Variants in PAM observed in about 807,000 individuals in gnomAD.
PAM encodes peptidyl-glycine alpha-amidating monooxygenase.
In PAM, 72 loss-of-function variants were observed where a neutral mutation model predicts 122.1. The ratio of observed to expected loss-of-function variants is 0.59; its 90% CI spans 0.49 to 0.72. The LOEUF (loss-of-function observed/expected upper bound fraction) is 0.72, where lower values mean the gene tolerates loss of function less well. Ranked by LOEUF, PAM falls within the 30% of genes least tolerant of loss-of-function variation. The pLI, the probability that PAM is intolerant of heterozygous loss-of-function variation, is 0.00. For synonymous variants in PAM, 389 were observed against 404.4 expected (o/e 0.96, Z 0.46); for missense variants, 1,106 against 1,183.7 (o/e 0.93, Z 0.96).
intron 1 of PAM, among the ~76,000 whole-genome samples, chr5:102,819,759 C>T (rs941727629): frequency 4.6e-5 from 7 of 152,102 alleles, no homozygotes; most frequent in African/African-American, 1.7e-4. Flanking sequence ...CATGGTATGT[C>T]TCGTACTCTG....
intron 3 of PAM, among the ~76,000 whole-genome samples, chr5:102,889,823 C>G (rs1351755105): frequency 6.6e-6 from 1 of 151,824 alleles, no homozygotes; most frequent in Non-Finnish European, 1.5e-5. Context: ...TGTCTAGGAC[C>G]AAGTCAGCAC....
intron 12 of PAM, among the ~76,000 whole-genome samples, chr5:102,951,884 A>G (rs1759015527): frequency 1.3e-5 from 2 of 152,070 alleles, no homozygotes; most frequent in South Asian, 2.1e-4. Context: ...GGAAAGCAAT[A>G]TTATTATTGA....
chr5:102,809,058 G>C (rs1031071187), intron 1 of PAM, among the ~76,000 whole-genome samples: 5 of 152,126 alleles, frequency 3.3e-5, no homozygotes, highest in Non-Finnish European at 7.4e-5. Context: ...TTCTCTGACG[G>C]TATGCCTTAT....
intron 3 of PAM, among the ~76,000 whole-genome samples, chr5:102,892,953 A>G (rs1047681636): frequency 6.6e-6 from 1 of 151,840 alleles, no homozygotes; most frequent in South Asian, 2.1e-4. Context: ...GTAGGCAAAG[A>G]AAATAAATAT....
At position 102,824,068 on chromosome 5, in the gene PAM, C is replaced by A. The variant is rs141007015; in HGVS notation, c.-373-41755C>A. ...TAAGATGACATTTGGTTTATTGAAG[C>A]CCTACAAAACTAGCGGATGGTTTAG... On this transcript the variant is annotated intron_variant, in intron 1 of 25. Transcript: ENST00000438793. 2.1e-3 allele frequency among the ~76,000 whole-genome samples: 324 copies of A among 152,214 alleles called. 1 individual carries two copies. Among genetic ancestry groups the A allele is most frequent in the African/African-American group, 7.4e-3 (309 of 41,524 alleles).
intron 5 of PAM, among the ~76,000 whole-genome samples, chr5:102,921,913 T>G (rs1385409735): frequency 3.9e-5 from 6 of 152,198 alleles, no homozygotes; most frequent in Non-Finnish European, 7.3e-5. Context: ...CTCTCTGAGC[T>G]TATTCAACTT....
intron 1 of PAM, among the ~76,000 whole-genome samples, chr5:102,767,454 T>C (rs1359624854): frequency 6.6e-6 from 1 of 152,186 alleles, no homozygotes; most frequent in Non-Finnish European, 1.5e-5. Context: ...CTGACTCTGC[T>C]GTTTTGCTTC....
intron 7 of PAM, among the ~76,000 whole-genome samples, chr5:102,933,556 T>C (rs1460612342): frequency 2.6e-5 from 4 of 152,208 alleles, no homozygotes; most frequent in African/African-American, 9.6e-5. Context: ...TTCACACAAA[T>C]ACACATGTAT....
chr5:102,835,570 A>T lies in PAM; in HGVS notation c.-373-30253A>T, dbSNP rs555019641. Among the ~76,000 whole-genome samples the T allele has an allele frequency of 3.3e-5, 5 of 152,240 alleles. No homozygotes were observed. The South Asian group carries it at 1.0e-3, about 32-fold the overall frequency. On this transcript the variant is annotated intron_variant, in intron 1 of 25. Coordinates refer to ENST00000438793, the MANE Select transcript of PAM (RefSeq NM_001177306.2). ...TATACAAAAACTGGAAGAACCCCAC[A>T]AGTGTGAGGGAAATTATAATACCAA...
At chr5:102,767,369 T>A (rs1042399369) in intron 1 of PAM, among the ~76,000 whole-genome samples, 1 of 152,184 alleles carries the variant, frequency 6.6e-6, no homozygotes, top group Non-Finnish European at 1.5e-5. Flanking sequence ...TTTTATCAGA[T>A]GAGCATGCTT....
At chr5:102,790,750 A>G (rs1761837467) in intron 1 of PAM, among the ~76,000 whole-genome samples, 1 of 152,140 alleles carries the variant, frequency 6.6e-6, no homozygotes, top group Non-Finnish European at 1.5e-5. Flanking sequence ...AAGAAGTCAC[A>G]TAATTTTATT....
rs896669711 is a variant in PAM, at chr5:102,829,348, G to A, written c.-373-36475G>A. Among the ~76,000 whole-genome samples, 4 of 151,002 alleles carry A rather than the reference G, an allele frequency of 2.6e-5. 1 individual carries two copies. Among genetic ancestry groups the A allele is most frequent in the East Asian group, 1.9e-4 (1 of 5,148 alleles). ...TAGTCGTTAAATAAGAAAGCTGAAA[G>A]TGAGCAACTGGGAGGTTTTTTTTTT... On this transcript the variant is annotated intron_variant, in intron 1 of 25. Coordinates refer to ENST00000438793, the MANE Select transcript of PAM (RefSeq NM_001177306.2).
At chr5:102,792,863 A>G (rs1225531413) in intron 1 of PAM, among the ~76,000 whole-genome samples, 1 of 152,190 alleles carries the variant, frequency 6.6e-6, no homozygotes, top group African/African-American at 2.4e-5. Flanking sequence ...TGCTTTCTGC[A>G]GCCACACACA....
chr5:102,900,594 G>A lies in PAM; in HGVS notation c.211-762G>A, dbSNP rs539406559. On this transcript the variant is annotated intron_variant, in intron 3 of 25. Coordinates refer to ENST00000438793, the MANE Select transcript of PAM (RefSeq NM_001177306.2). ...AATCTGATCATTCCAGCTCTGTGCA[G>A]TAATAATCCAGGAAGCATGAATTAT... Among the ~76,000 whole-genome samples the A allele has an allele frequency of 3.3e-5, 5 of 151,650 alleles. No individual in the cohort carries two copies. The East Asian group carries it at 7.8e-4, about 24-fold the overall frequency.
intron 1 of PAM, among the ~76,000 whole-genome samples, chr5:102,849,598 A>C (rs1780861838): frequency 6.6e-6 from 1 of 151,956 alleles, no homozygotes; most frequent in African/African-American, 2.4e-5. Flanking sequence ...GTGCATAAGT[A>C]AAGGTAACAA....
At chr5:102,831,172 A>AT (rs1278973047) in intron 1 of PAM, among the ~76,000 whole-genome samples, 1 of 152,014 alleles carries the variant, frequency 6.6e-6, no homozygotes. Flanking sequence ...TCTCACTTTC[A>AT]TTTTTTCCTA....
At position 102,960,001 on chromosome 5, in the gene PAM, G is replaced by A. The variant is rs762105250; in HGVS notation, c.1032G>A (p.Glu344=). The A allele has an allele frequency of 3.7e-5, 60 of 1,612,124 alleles. No homozygotes were observed. Among genetic ancestry groups the A allele is most frequent in the Non-Finnish European group, 4.9e-5 (58 of 1,178,644 alleles). The change falls in exon 13 of 26, where the codon GAG becomes GAA. Residue 344 remains glutamate (E), a synonymous_variant. Coordinates refer to ENST00000438793, the MANE Select transcript of PAM (RefSeq NM_001177306.2). The part of the protein sequence containing the change: ...APDMFRTIPP[E]ANIPIPVKSD... Reference sequence around the variant, plus strand: ...ATATGTTCAGAACCATACCACCAGAGGCCAACATTCCAATTCCCGTGAAGT... The same window carrying A: ...ATATGTTCAGAACCATACCACCAGAAGCCAACATTCCAATTCCCGTGAAGT...
intron 3 of PAM, among the ~76,000 whole-genome samples, chr5:102,895,388 G>T (rs561499009): frequency 6.5e-4 from 99 of 151,776 alleles, no homozygotes; most frequent in African/African-American, 2.3e-3. Context: ...GTATACTTTT[G>T]CTCACAGTTT....
intron 12 of PAM, among the ~76,000 whole-genome samples, chr5:102,957,213 C>T (rs1761029859): frequency 6.6e-6 from 1 of 152,140 alleles, no homozygotes; most frequent in Non-Finnish European, 1.5e-5. Flanking sequence ...ACTACATGCA[C>T]ACTACTCTAT....
Sources: allele counts gnomAD v4.1 joint callset (sites outside exome capture counted in the v4.1 genomes callset), GRCh38; gene constraint gnomAD v4.1.1; transcripts MANE v1.5; gene names NCBI Gene and HGNC (gene_info 2026-07-23, HGNC 2026-07-21).